Variants in NRXN1 observed in about 807,000 individuals in gnomAD.
The protein encoded by NRXN1 is neurexin-1.
In NRXN1, 39 loss-of-function variants were observed where a neutral mutation model predicts 150.9. The ratio of observed to expected loss-of-function variants is 0.26; its 90% CI spans 0.20 to 0.34. NRXN1 has a LOEUF of 0.34. NRXN1 is among the 10% of genes least tolerant of loss of function. The pLI is 1.00. For synonymous variants in NRXN1, 924 were observed against 757.0 expected (o/e 1.22, Z -3.62); for missense variants, 1,815 against 1,949.9 (o/e 0.93, Z 1.30).
At chr2:50,640,977 G>C (rs1179129186) in intron 5 of NRXN1, among the ~76,000 whole-genome samples, 1 of 152,126 alleles carries the variant, frequency 6.6e-6, no homozygotes, top group Non-Finnish European at 1.5e-5. Context: ...AAGAACAAGA[G>C]CTAGTCCTGA....
chr2:50,635,561 T>G (rs966915930), intron 5 of NRXN1, among the ~76,000 whole-genome samples: 2 of 152,178 alleles, frequency 1.3e-5, no homozygotes, highest in African/African-American at 4.8e-5. Flanking sequence ...GCAAGTCTGA[T>G]GCATACAAAG....
At chr2:51,026,204 T>C (rs878941209) in intron 2 of NRXN1, among the ~76,000 whole-genome samples, 2 of 152,192 alleles carry the variant, frequency 1.3e-5, no homozygotes, top group Admixed American at 6.5e-5. Context: ...TTTGTCCCTA[T>C]AGCTTTCGAA....
chr2:49,919,448 A>G lies in NRXN1; in HGVS notation c.*2496T>C, dbSNP rs1667835452. On this transcript the variant is annotated 3_prime_UTR_variant, in exon 23 of 23. Coordinates refer to ENST00000401669, the MANE Select transcript of NRXN1 (RefSeq NM_001330078.2). ...AAATCAATCCCAAACAACACATTTC[A>G]TAGATATACTGCTTAAAATTACCAT... 1 of 152,124 alleles carries G rather than the reference A, an allele frequency of 6.6e-6. No homozygotes were observed. The highest frequency in any genetic ancestry group is 1.5e-5 in the Non-Finnish European group (1 of 67,978). The allele number at this position is 152,124 out of a possible 1,614,324, so 9.4% of individuals were successfully genotyped here.
intron 5 of NRXN1, among the ~76,000 whole-genome samples, chr2:50,702,160 T>C (rs1332170152): frequency 6.6e-6 from 1 of 152,080 alleles, no homozygotes; most frequent in Non-Finnish European, 1.5e-5. Context: ...TTCTTAGAAA[T>C]TCACCGTGTC....
intron 5 of NRXN1, among the ~76,000 whole-genome samples, chr2:50,771,242 C>T (rs937374030): frequency 3.9e-5 from 6 of 152,032 alleles, no homozygotes; most frequent in Non-Finnish European, 8.8e-5. Flanking sequence ...CCACCCATTC[C>T]CCATGCCAGT....
At chr2:50,209,615 AC>A (rs1458526245) in intron 18 of NRXN1, among the ~76,000 whole-genome samples, 1 of 152,060 alleles carries the variant, frequency 6.6e-6, no homozygotes, top group Non-Finnish European at 1.5e-5. Context: ...ACAAAATTAT[AC>A]CCTTTGAGAA....
intron 17 of NRXN1, among the ~76,000 whole-genome samples, chr2:50,379,804 C>T (rs2080818889): frequency 6.6e-6 from 1 of 152,104 alleles, no homozygotes; most frequent in Non-Finnish European, 1.5e-5. Context: ...TAAATACATG[C>T]TTTATTTTAA....
chr2:50,615,861 T>C (rs1361546322), intron 8 of NRXN1: 1 of 152,154 alleles, frequency 6.6e-6, no homozygotes, highest in Non-Finnish European at 1.5e-5. Flanking sequence ...GAAAATTTAA[T>C]TAAATATAAA....
chr2:50,242,352 T>C (rs534766552), intron 17 of NRXN1, among the ~76,000 whole-genome samples: 2 of 151,902 alleles, frequency 1.3e-5, no homozygotes, highest in Admixed American at 1.3e-4. Context: ...AAAAAGAGTT[T>C]TAGATCAGGG....
intron 17 of NRXN1, among the ~76,000 whole-genome samples, chr2:50,420,575 C>T (rs2083906998): frequency 6.6e-6 from 1 of 152,024 alleles, no homozygotes; most frequent in African/African-American, 2.4e-5. Flanking sequence ...CCAGCTGTCC[C>T]TATGATACTT....
At chr2:50,543,108 T>G (rs2093424969) in intron 9 of NRXN1, among the ~76,000 whole-genome samples, 1 of 152,140 alleles carries the variant, frequency 6.6e-6, no homozygotes, top group Non-Finnish European at 1.5e-5. Context: ...TATAAATACA[T>G]TTTTAAGAGA....
At chr2:50,113,368 T>C (rs781511348) in intron 18 of NRXN1, among the ~76,000 whole-genome samples, 4 of 152,218 alleles carry the variant, frequency 2.6e-5, no homozygotes, top group African/African-American at 4.8e-5. Context: ...CCATGTCAAA[T>C]TGACCTCTGG....
intron 17 of NRXN1, among the ~76,000 whole-genome samples, chr2:50,353,382 T>A (rs1272147743): frequency 6.6e-6 from 1 of 152,122 alleles, no homozygotes; most frequent in Non-Finnish European, 1.5e-5. Context: ...TCAACCGATT[T>A]CTGTTGGTGA....
chr2:50,045,231 T>G (rs567931147), intron 21 of NRXN1, among the ~76,000 whole-genome samples: 1 of 152,144 alleles, frequency 6.6e-6, no homozygotes, highest in Non-Finnish European at 1.5e-5. Flanking sequence ...GAAATTAACA[T>G]AGAGATTTAA....
intron 21 of NRXN1, among the ~76,000 whole-genome samples, chr2:50,049,711 G>A (rs1692399596): frequency 6.6e-6 from 1 of 152,124 alleles, no homozygotes; most frequent in Non-Finnish European, 1.5e-5. Context: ...GGAAGGAAGT[G>A]TTGTCCTCTT....
intron 8 of NRXN1, among the ~76,000 whole-genome samples, chr2:50,605,886 C>A (rs960923411): frequency 6.6e-6 from 1 of 152,096 alleles, no homozygotes; most frequent in African/African-American, 2.4e-5. Context: ...AGGATGAGCA[C>A]ACAACCTAAA....
At chr2:50,475,637 C>T (rs11677252) in intron 15 of NRXN1, among the ~76,000 whole-genome samples, 42,584 of 151,836 alleles carry the variant, frequency 0.28, 6,718 homozygotes, top group South Asian at 0.42. Context: ...GCAAGGTAGA[C>T]GAGGTTGGCT....
intron 5 of NRXN1, among the ~76,000 whole-genome samples, chr2:50,819,253 C>T (rs531435314): frequency 6.6e-6 from 1 of 152,116 alleles, no homozygotes; most frequent in South Asian, 2.1e-4. Flanking sequence ...CAGCATTACT[C>T]GCAATAGCCA....
chr2:50,322,691 A>G (rs1368067192), intron 17 of NRXN1, among the ~76,000 whole-genome samples: 3 of 152,196 alleles, frequency 2.0e-5, no homozygotes, highest in South Asian at 2.1e-4. Flanking sequence ...CCCATTAGTT[A>G]TATTTGAAGT....
Sources: gnomAD v4.1 joint callset for allele counts (sites outside exome capture counted in the v4.1 genomes callset) on GRCh38, gnomAD v4.1.1 for gene constraint, MANE v1.5 for transcripts, NCBI Gene and HGNC (gene_info 2026-07-23, HGNC 2026-07-21) for gene names.